Variants in TBC1D22A observed in about 807,000 individuals in gnomAD.
TBC1D22A encodes the protein TBC1 domain family member 22A.
A neutral mutation model predicts 60.2 loss-of-function variants in TBC1D22A; 38 were observed. That is an observed-to-expected ratio of 0.63 (90% CI 0.49 to 0.83). The LOEUF (loss-of-function observed/expected upper bound fraction) is 0.83, where lower values mean the gene tolerates loss of function less well. TBC1D22A is among the 40% of genes least tolerant of loss of function. TBC1D22A has a pLI of 0.00. For synonymous variants in TBC1D22A, 302 were observed against 281.7 expected (o/e 1.07, Z -0.72); for missense variants, 628 against 701.0 (o/e 0.90, Z 1.18).
intron 1 of TBC1D22A, among the ~76,000 whole-genome samples, chr22:46,781,108 G>A (rs1033865426): frequency 6.8e-6 from 1 of 148,128 alleles, no homozygotes; most frequent in Non-Finnish European, 1.5e-5. Context: ...TGACCCCTCT[G>A]CTCTTCTCCC....
chr22:46,815,656 A>G (rs1426329193), intron 4 of TBC1D22A, among the ~76,000 whole-genome samples: 2 of 152,210 alleles, frequency 1.3e-5, no homozygotes, highest in East Asian at 3.8e-4. Context: ...ATGTTTCTTA[A>G]GCATCTGCCT....
intron 8 of TBC1D22A, among the ~76,000 whole-genome samples, chr22:46,923,447 T>C (rs1339935555): frequency 6.6e-6 from 1 of 152,244 alleles, no homozygotes; most frequent in Non-Finnish European, 1.5e-5. Context: ...CTTCCCCATC[T>C]CTTGCCCCGC....
At chr22:46,886,364 G>T (rs1012617487) in intron 5 of TBC1D22A, among the ~76,000 whole-genome samples, 6 of 152,264 alleles carry the variant, frequency 3.9e-5, no homozygotes, top group East Asian at 3.9e-4. Context: ...GCTGTTCTGT[G>T]CCCCTCTCCA....
intron 8 of TBC1D22A, among the ~76,000 whole-genome samples, chr22:46,958,576 C>G (rs2073334672): frequency 6.6e-6 from 1 of 152,236 alleles, no homozygotes. Flanking sequence ...CATCTTCACT[C>G]AGCCAGCCTC....
chr22:47,018,612 G>A (rs926723038), intron 10 of TBC1D22A, among the ~76,000 whole-genome samples: 20 of 152,100 alleles, frequency 1.3e-4, no homozygotes, highest in African/African-American at 3.4e-4. Context: ...ATGGCCACTT[G>A]GGCCACGTCG....
At chr22:47,047,303 G>A (rs1409517828) in intron 11 of TBC1D22A, among the ~76,000 whole-genome samples, 1 of 152,230 alleles carries the variant, frequency 6.6e-6, no homozygotes, top group Non-Finnish European at 1.5e-5. Context: ...AATGAAGGCT[G>A]CATATTAAAT....
chr22:47,167,778 A>G (rs1394793487), intron 12 of TBC1D22A, among the ~76,000 whole-genome samples: 1 of 152,222 alleles, frequency 6.6e-6, no homozygotes, highest in Non-Finnish European at 1.5e-5. Context: ...GATAAAGGGC[A>G]TCATTCAGAA....
intron 11 of TBC1D22A, among the ~76,000 whole-genome samples, chr22:47,066,991 C>T (rs549153359): frequency 6.6e-6 from 1 of 152,234 alleles, no homozygotes; most frequent in Non-Finnish European, 1.5e-5. Context: ...TTTGGCCAGG[C>T]GCGGTGGCTC....
rs114056204 is a variant in TBC1D22A at position 47,097,935 on chromosome 22, A to T, written c.1330-13573A>T. Reference sequence around the variant, plus strand: ...TTTCATCTGTTTACCTGGAAGTAGGAGGGGCTCTGAGTGCTAGGTATCCCC... The same window carrying T: ...TTTCATCTGTTTACCTGGAAGTAGGTGGGGCTCTGAGTGCTAGGTATCCCC... On this transcript the variant is annotated intron_variant, in intron 11 of 12. Coordinates refer to ENST00000337137, the MANE Select transcript of TBC1D22A (RefSeq NM_014346.5). Among the ~76,000 whole-genome samples, 1,494 of 152,140 alleles carry T rather than the reference A, an allele frequency of 9.8e-3. 21 individuals are homozygous for T. Among genetic ancestry groups the T allele is most frequent in the African/African-American group, 0.035 (1,437 of 41,520 alleles).
chr22:46,998,588 C>T (rs2075201229), intron 10 of TBC1D22A, among the ~76,000 whole-genome samples: 3 of 152,246 alleles, frequency 2.0e-5, no homozygotes, highest in African/African-American at 4.8e-5. Context: ...TTTTCCCCTC[C>T]CTGCGCCTTT....
At chr22:47,061,578 T>G (rs1192551064) in intron 11 of TBC1D22A, among the ~76,000 whole-genome samples, 1 of 152,086 alleles carries the variant, frequency 6.6e-6, no homozygotes, top group African/African-American at 2.4e-5. Context: ...TAAACATATT[T>G]GCAGCGTTTT....
intron 1 of TBC1D22A, among the ~76,000 whole-genome samples, chr22:46,769,886 A>C (rs1569354341): frequency 6.6e-6 from 1 of 152,078 alleles, no homozygotes; most frequent in Non-Finnish European, 1.5e-5. Context: ...CACATGGCAC[A>C]CTCAGGATTC....
intron 8 of TBC1D22A, among the ~76,000 whole-genome samples, chr22:46,931,109 C>T (rs764064646): frequency 5.9e-5 from 9 of 152,272 alleles, no homozygotes; most frequent in African/African-American, 1.9e-4. Flanking sequence ...TCTCAGAGCC[C>T]GCCATGGAAT....
chr22:46,900,748 T>G lies in TBC1D22A; in HGVS notation c.900+5902T>G, dbSNP rs370394528. Reference sequence around the variant, plus strand: ...TTCATTGCCTTTTCCTGCTGAGTAGTGTTCCCGTATGGCCGTACCACAGTG... The same window carrying G: ...TTCATTGCCTTTTCCTGCTGAGTAGGGTTCCCGTATGGCCGTACCACAGTG... On this transcript the variant is annotated intron_variant, in intron 7 of 12. Coordinates refer to ENST00000337137, the MANE Select transcript of TBC1D22A (RefSeq NM_014346.5). 7.2e-5 allele frequency among the ~76,000 whole-genome samples: 11 copies of G among 152,334 alleles called. No homozygotes were observed. In the East Asian group the frequency reaches 1.3e-3, roughly 19 times the overall value.
At chr22:46,902,604 G>A (rs2069079914) in intron 7 of TBC1D22A, among the ~76,000 whole-genome samples, 1 of 152,224 alleles carries the variant, frequency 6.6e-6, no homozygotes, top group South Asian at 2.1e-4. Context: ...GCTGTCCTGG[G>A]ACAGAGCCCC....
At chr22:47,018,450 C>G (rs1221208499) in intron 10 of TBC1D22A, among the ~76,000 whole-genome samples, 2 of 152,210 alleles carry the variant, frequency 1.3e-5, no homozygotes, top group African/African-American at 2.4e-5. Context: ...GGCTAGACTG[C>G]TTTTAATTTA....
intron 8 of TBC1D22A, among the ~76,000 whole-genome samples, chr22:46,951,529 C>T (rs759236950): frequency 3.9e-5 from 6 of 152,178 alleles, no homozygotes; most frequent in African/African-American, 1.2e-4. Context: ...GACATCTGCA[C>T]GGACATGGCT....
chr22:47,167,108 A>G (rs1376118633), intron 12 of TBC1D22A, among the ~76,000 whole-genome samples: 1 of 152,218 alleles, frequency 6.6e-6, no homozygotes, highest in African/African-American at 2.4e-5. Context: ...ATAAATCATC[A>G]CGTTTTCTCC....
At chr22:47,103,497 C>T (rs1352978605) in intron 11 of TBC1D22A, among the ~76,000 whole-genome samples, 2 of 152,112 alleles carry the variant, frequency 1.3e-5, no homozygotes, top group African/African-American at 2.4e-5. Flanking sequence ...GGGTAGGGAC[C>T]GGATGTCCGG....
Sources: allele counts gnomAD v4.1 joint callset (sites outside exome capture counted in the v4.1 genomes callset), GRCh38; gene constraint gnomAD v4.1.1; transcripts MANE v1.5; gene names NCBI Gene and HGNC (gene_info 2026-07-23, HGNC 2026-07-21).